IQUB: variants seen among roughly 807,000 people sequenced by gnomAD.
The protein encoded by IQUB is IQ motif and ubiquitin domain containing.
A neutral mutation model predicts 86.4 loss-of-function variants in IQUB; 86 were observed. That is an observed-to-expected ratio of 1.00 (90% CI 0.84 to 1.19). The LOEUF is 1.19. Among genes scored for constraint, IQUB ranks in the 50% most tolerant of loss-of-function variants. IQUB has a pLI of 0.00. For synonymous variants in IQUB, 289 were observed against 304.5 expected (o/e 0.95, Z 0.53); for missense variants, 946 against 916.9 (o/e 1.03, Z -0.41).
intron 7 of IQUB, among the ~76,000 whole-genome samples, chr7:123,494,987 GA>G (rs1207874901): frequency 6.6e-6 from 1 of 152,066 alleles, no homozygotes; most frequent in Non-Finnish European, 1.5e-5. Context: ...TATTTTAACA[GA>G]GCTCTGCTCT....
At chr7:123,458,995 C>G (rs1310135340) in intron 11 of IQUB, among the ~76,000 whole-genome samples, 5 of 151,884 alleles carry the variant, frequency 3.3e-5, no homozygotes. Flanking sequence ...ACAAGATTTA[C>G]TATTTATGAG....
At chr7:123,456,747 G>GT (rs1209068002) in intron 12 of IQUB, 1 of 151,990 alleles carries the variant, frequency 6.6e-6, no homozygotes, top group Non-Finnish European at 1.5e-5. Context: ...CCATCAAAAT[G>GT]TTTTACAGAT....
intron 7 of IQUB, among the ~76,000 whole-genome samples, chr7:123,484,013 A>C (rs1795113366): frequency 6.6e-6 from 1 of 152,076 alleles, no homozygotes; most frequent in African/African-American, 2.4e-5. Flanking sequence ...ACTGCCTTTC[A>C]TAATATCTAG....
chr7:123,524,992 C>G (rs971168842), intron 1 of IQUB, among the ~76,000 whole-genome samples: 7 of 152,036 alleles, frequency 4.6e-5, no homozygotes, highest in African/African-American at 9.7e-5. Context: ...TGTTTATATG[C>G]TGGATTACAT....
At chr7:123,458,870 A>G (rs1367154741) in intron 11 of IQUB, among the ~76,000 whole-genome samples, 2 of 151,888 alleles carry the variant, frequency 1.3e-5, no homozygotes, top group African/African-American at 4.8e-5. Flanking sequence ...CTAGTACAAC[A>G]CTCAAATCTC....
chr7:123,522,450 C>T (rs951418888), intron 1 of IQUB, among the ~76,000 whole-genome samples: 3 of 152,178 alleles, frequency 2.0e-5, no homozygotes, highest in Admixed American at 2.0e-4. Context: ...GGTTTCTTAA[C>T]CTAAGTCTCA....
chr7:123,469,132 C>A, intron 9 of IQUB, 82 bp downstream of exon 9: 3 of 975,510 alleles, frequency 3.1e-6, no homozygotes, highest in Non-Finnish European at 4.3e-6. Flanking sequence ...TAATGTAAAA[C>A]ACTTTACTTG....
intron 1 of IQUB, among the ~76,000 whole-genome samples, chr7:123,527,616 T>G (rs1193325375): frequency 6.8e-6 from 1 of 147,274 alleles, no homozygotes; most frequent in Non-Finnish European, 1.5e-5. Context: ...TGCCTCCCAG[T>G]TAGGCTGCTC....
At position 123,502,691 on chromosome 7, in the gene IQUB, T is replaced by G. The variant is rs2117204078; in HGVS notation, c.929A>C (p.Asn310Thr). Residue 310 changes from asparagine to threonine, a missense_variant, in exon 6 of 13, where the codon AAC (asparagine) becomes ACC (threonine). Transcript: ENST00000324698. The part of the protein sequence containing the change: ...TTNTTSTQMT[N>T]IGVYVSNMTD... ...CATATTTGATACATATACACCAATG[T>G]TAGTCATCTGTGTGGATGTTGTATT... 1 of 1,610,502 alleles carries G rather than the reference T, an allele frequency of 6.2e-7. No individual in the cohort carries two copies. Among genetic ancestry groups the G allele is most frequent in the South Asian group, 1.1e-5 (1 of 90,552 alleles).
At chr7:123,498,095 C>G (rs1795784895) in intron 6 of IQUB, among the ~76,000 whole-genome samples, 1 of 151,700 alleles carries the variant, frequency 6.6e-6, no homozygotes, top group African/African-American at 2.4e-5. Flanking sequence ...GCCCCCTATC[C>G]AGAAAACTAG....
At chr7:123,528,340 C>T (rs925394267) in intron 1 of IQUB, among the ~76,000 whole-genome samples, 1 of 152,058 alleles carries the variant, frequency 6.6e-6, no homozygotes, top group Non-Finnish European at 1.5e-5. Flanking sequence ...TGACTCCTCC[C>T]CGAAAAAAAT....
At chr7:123,529,735 A>C (rs1194600115) in intron 1 of IQUB, among the ~76,000 whole-genome samples, 5 of 145,862 alleles carry the variant, frequency 3.4e-5, no homozygotes, top group East Asian at 2.0e-4. Flanking sequence ...AAAAAAAAAA[A>C]AAAAAAAAAA....
chr7:123,470,094 C>T lies in IQUB; in HGVS notation c.1411-710G>A, dbSNP rs1794454529. Among the ~76,000 whole-genome samples the T allele has an allele frequency of 2.0e-5, 3 of 152,248 alleles. No individual in the cohort carries two copies. The South Asian group carries it at 6.2e-4, about 32-fold the overall frequency. On this transcript the variant is annotated intron_variant, in intron 8 of 12. Transcript: ENST00000324698. ...TGAAGCTCATCTGAGGACTCCCAGGCTAAGAATTCAGAGATTAGAGACAGG... is the reference window on the plus strand; with the variant it reads ...TGAAGCTCATCTGAGGACTCCCAGGTTAAGAATTCAGAGATTAGAGACAGG...
At chr7:123,500,419 A>G (rs1046424785) in intron 6 of IQUB, among the ~76,000 whole-genome samples, 6 of 152,212 alleles carry the variant, frequency 3.9e-5, no homozygotes, top group African/African-American at 1.4e-4. Context: ...GCATAAACAA[A>G]TAAGAATAAT....
chr7:123,491,149 T>C (rs1450060080), intron 7 of IQUB, among the ~76,000 whole-genome samples: 1 of 152,124 alleles, frequency 6.6e-6, no homozygotes, highest in Non-Finnish European at 1.5e-5. Flanking sequence ...AAAGGATAAT[T>C]AGAAAGTATT....
rs74323491 is a variant in IQUB at position 123,530,659 on chromosome 7, T to C, written c.-5+3833A>G. On this transcript the variant is annotated intron_variant, in intron 1 of 12. Coordinates refer to ENST00000324698, the MANE Select transcript of IQUB (RefSeq NM_178827.5). ...TTTTACTCTGCACAAACTTTTTACCTTTTTGCTCTTTGATTTTTTTTTTTT... is the reference window on the plus strand; with the variant it reads ...TTTTACTCTGCACAAACTTTTTACCCTTTTGCTCTTTGATTTTTTTTTTTT... 6.7e-3 allele frequency among the ~76,000 whole-genome samples: 1,010 copies of C among 150,282 alleles called. 11 individuals carry two copies. The highest frequency in any genetic ancestry group is 0.023 in the African/African-American group (950 of 40,684).
rs1796965048 is a variant in IQUB, at chr7:123,522,732, T to C, written c.-4-10388A>G. On this transcript the variant is annotated intron_variant, in intron 1 of 12. Transcript: ENST00000324698. ...ACTTTTATTATTATACTTTAAGTTT[T>C]AGGGTACATGTGCACAATGTGCAGG... Among the ~76,000 whole-genome samples, 2 of 152,174 alleles carry C rather than the reference T, an allele frequency of 1.3e-5. 1 individual carries two copies. Among genetic ancestry groups the C allele is most frequent in the African/African-American group, 4.8e-5 (2 of 41,454 alleles).
intron 1 of IQUB, among the ~76,000 whole-genome samples, chr7:123,513,942 C>T (rs919875698): frequency 6.6e-6 from 1 of 152,158 alleles, no homozygotes; most frequent in Admixed American, 6.5e-5. Context: ...AGCCATGATA[C>T]CCAGCCAGGA....
intron 1 of IQUB, among the ~76,000 whole-genome samples, chr7:123,530,414 G>A (rs1797474834): frequency 6.6e-6 from 1 of 151,764 alleles, no homozygotes; most frequent in South Asian, 2.1e-4. Context: ...CCAGCCTGGC[G>A]ACAGAGGGAG....
Sources: allele counts gnomAD v4.1 joint callset (sites outside exome capture counted in the v4.1 genomes callset), GRCh38; gene constraint gnomAD v4.1.1; transcripts MANE v1.5; gene names NCBI Gene and HGNC (gene_info 2026-07-23, HGNC 2026-07-21).